The following UACA variants were observed in gnomAD, a reference collection of about 807,000 sequenced individuals.
UACA encodes the protein uveal autoantigen with coiled-coil domains and ankyrin repeats, also known as nuclear membrane binding protein.
Under a neutral mutation model 160.5 loss-of-function variants are expected in UACA, and 112 were observed. The ratio of observed to expected loss-of-function variants is 0.70; its 90% CI spans 0.60 to 0.82. The LOEUF (loss-of-function observed/expected upper bound fraction) is 0.82, where lower values mean the gene tolerates loss of function less well. UACA is among the 40% of genes least tolerant of loss of function. The pLI, the probability that UACA is intolerant of heterozygous loss-of-function variation, is 0.00. For synonymous variants in UACA, 557 were observed against 568.4 expected, an observed-to-expected ratio of 0.98 and a Z score of 0.29; for missense variants, 1,574 against 1,614.6, an observed-to-expected ratio of 0.97 and a Z score of 0.43.
chr15:70,712,071 C>CATATATATAT (rs1487784734), intron 1 of UACA, among the ~76,000 whole-genome samples: 8 of 125,056 alleles, frequency 6.4e-5, no homozygotes, highest in African/African-American at 1.7e-4. Context: ...TATATATCTC[C>CATATATATAT]ATATACCTTC....
At chr15:70,712,843 G>T (rs535274521) in intron 1 of UACA, among the ~76,000 whole-genome samples, 1 of 152,252 alleles carries the variant, frequency 6.6e-6, no homozygotes, top group South Asian at 2.1e-4. Flanking sequence ...CAATGTAAAA[G>T]TATCTTTTTA....
Position 70,663,534 on chromosome 15 carries a change from A to T in UACA, c.4113+1128T>A, listed in dbSNP as rs532192149. Among the ~76,000 whole-genome samples, 366 of 152,216 alleles carry T rather than the reference A, an allele frequency of 2.4e-3. 4 individuals are homozygous for T. Among genetic ancestry groups the T allele is most frequent in the Non-Finnish European group, 9.4e-4 (64 of 68,022 alleles). ...GTATATACCCAAAGGATTATAGATC[A>T]TGCTGCTATAAAGACACATGCTGCT... is the stretch of plus-strand genomic sequence containing the variant. On this transcript the variant is annotated intron_variant, in intron 17 of 18. Coordinates refer to ENST00000322954, the MANE Select transcript of UACA (RefSeq NM_018003.4).
intron 1 of UACA, among the ~76,000 whole-genome samples, chr15:70,749,482 C>G (rs1277327679): frequency 6.6e-6 from 1 of 151,384 alleles, no homozygotes; most frequent in East Asian, 1.9e-4. Context: ...GCCGAGATCA[C>G]GCCACCGCAC....
At chr15:70,727,470 A>C (rs1477568066) in intron 1 of UACA, among the ~76,000 whole-genome samples, 2 of 152,216 alleles carry the variant, frequency 1.3e-5, no homozygotes, top group Non-Finnish European at 2.9e-5. Flanking sequence ...AAAAAATAAG[A>C]AGCACTTTAA....
Position 70,667,683 on chromosome 15 carries a change from TTGCTTTA to T in UACA, c.2994_3000del (p.Phe998LeufsTer6). 1 of 1,613,808 alleles carries T rather than the reference TTGCTTTA, an allele frequency of 6.2e-7. No homozygotes were observed. The highest frequency in any genetic ancestry group is 8.5e-7 in the Non-Finnish European group (1 of 1,180,014). On this transcript the variant is annotated frameshift_variant, in exon 16 of 19. Coordinates refer to ENST00000322954, the MANE Select transcript of UACA (RefSeq NM_018003.4). LOFTEE classifies it high-confidence loss of function. ...AACTGGTCTTTTAGTTCTTTCTCTG[TTGCTTTA>T]AATTTTCTCTCGCACTCCTCAAAGC... is the stretch of plus-strand genomic sequence containing the variant.
At chr15:70,697,448 G>T (rs1898170048) in intron 2 of UACA, among the ~76,000 whole-genome samples, 1 of 152,204 alleles carries the variant, frequency 6.6e-6, no homozygotes, top group Non-Finnish European at 1.5e-5. Context: ...GCCCTGGAAG[G>T]GCTGTACCTT....
intron 1 of UACA, among the ~76,000 whole-genome samples, chr15:70,739,101 G>A (rs1011236): frequency 0.18 from 27,946 of 152,180 alleles, 4,000 homozygotes; most frequent in African/African-American, 0.4. Context: ...GATCCAGGCA[G>A]GGGTAGAGAA....
rs1421607196 is a variant in UACA, at chr15:70,654,659, A to C, written c.*2397T>G. 1 of 152,130 alleles carries C rather than the reference A, an allele frequency of 6.6e-6. No individual in the cohort carries two copies. The allele number at this position is 152,130 out of a possible 1,614,324, so 9.4% of individuals were successfully genotyped here. A position where few individuals can be genotyped will look rare whatever the true frequency, so the allele number is the denominator to read the frequency against. On this transcript the variant is annotated 3_prime_UTR_variant, in exon 19 of 19. Transcript: ENST00000322954. ...CTGATGGGGAAGTGACAAAAAAAAAAAACTACACAGAACAAGAGTAATAAA... is the reference window on the plus strand; with the variant it reads ...CTGATGGGGAAGTGACAAAAAAAAACAACTACACAGAACAAGAGTAATAAA...
intron 1 of UACA, among the ~76,000 whole-genome samples, chr15:70,742,493 T>C (rs1899567103): frequency 6.6e-6 from 1 of 152,228 alleles, no homozygotes; most frequent in African/African-American, 2.4e-5. Flanking sequence ...AAGAGTCTTT[T>C]AGGTATATGA....
chr15:70,669,372 C>T lies in UACA; in HGVS notation c.1312G>A (p.Glu438Lys). The T allele has an allele frequency of 6.2e-7, 1 of 1,613,718 alleles. No individual in the cohort carries two copies. Among genetic ancestry groups the T allele is most frequent in the South Asian group, 1.1e-5 (1 of 91,074 alleles). Residue 438 changes from glutamate (E) to lysine (K), a missense_variant, in exon 16 of 19, where the codon GAA becomes AAA. Glu to Lys is a moderately conservative substitution (Grantham distance 56). Coordinates refer to ENST00000322954, the MANE Select transcript of UACA (RefSeq NM_018003.4). ...AACTCTTTCTTTAAAATTTCATTTT[C>T]AGAGTATGACGTTTGACTGGGTAAA... ...LSLPSQTSYSENEILKKELEA... is the reference protein window; with the variant it reads ...LSLPSQTSYSKNEILKKELEA...
intron 1 of UACA, chr15:70,754,104 C>A: frequency 2.2e-6 from 1 of 455,904 alleles, no homozygotes; most frequent in South Asian, 1.5e-5. Flanking sequence ...CTACGCCCAG[C>A]CTATATTTGG....
chr15:70,767,503 G>A (rs891021809), upstream of UACA, among the ~76,000 whole-genome samples: 10 of 151,314 alleles, frequency 6.6e-5, no homozygotes, highest in Admixed American at 2.6e-4. Context: ...CAGGAGAATC[G>A]CTTGAACCCA....
chr15:70,738,160 A>T (rs1485200175), intron 1 of UACA, among the ~76,000 whole-genome samples: 3 of 152,180 alleles, frequency 2.0e-5, no homozygotes, highest in African/African-American at 4.8e-5. Context: ...ATATCCTGGA[A>T]TAAACTTCAT....
chr15:70,671,677 C>G (rs1322007701), intron 14 of UACA: 2 of 229,420 alleles, frequency 8.7e-6, no homozygotes, highest in East Asian at 1.7e-4. Flanking sequence ...CTAAATATCA[C>G]AAGACAAATG....
chr15:70,744,107 T>C (rs1899622553), intron 1 of UACA, among the ~76,000 whole-genome samples: 1 of 151,760 alleles, frequency 6.6e-6, no homozygotes, highest in East Asian at 1.9e-4. Context: ...TAGCCAGGCA[T>C]AGTGGCGGGC....
chr15:70,774,558 A>G, the UACA span, among the ~76,000 whole-genome samples: 1 of 151,412 alleles, frequency 6.6e-6, no homozygotes, highest in Non-Finnish European at 1.5e-5. Context: ...AAAAAAAAAA[A>G]AGACCACATG....
At chr15:70,718,569 C>T (rs1566989828) in intron 1 of UACA, among the ~76,000 whole-genome samples, 1 of 152,042 alleles carries the variant, frequency 6.6e-6, no homozygotes, top group Non-Finnish European at 1.5e-5. Context: ...TTCCTTCAGC[C>T]TTGGTTCCCA....
At chr15:70,774,523 G>A in the UACA span, among the ~76,000 whole-genome samples, 5 of 115,876 alleles carry the variant, frequency 4.3e-5, no homozygotes, top group Non-Finnish European at 8.8e-5. Flanking sequence ...TCCAGCCTGG[G>A]CAACAGAGCG....
At chr15:70,705,371 T>C (rs1442897834) in intron 1 of UACA, among the ~76,000 whole-genome samples, 1 of 151,926 alleles carries the variant, frequency 6.6e-6, no homozygotes, top group African/African-American at 2.4e-5. Flanking sequence ...ACCCCGTCTC[T>C]ATTAAAAATA....
Sources: allele counts gnomAD v4.1 joint callset (sites outside exome capture counted in the v4.1 genomes callset), GRCh38; gene constraint gnomAD v4.1.1; transcripts MANE v1.5; gene names NCBI Gene and HGNC (gene_info 2026-07-23, HGNC 2026-07-21).